Variants in NOA1 observed in about 807,000 individuals in gnomAD.
NOA1 encodes nitric oxide associated 1.
In NOA1, 35 loss-of-function variants were observed where a neutral mutation model predicts 58.4. The observed-to-expected ratio is 0.60, with a 90% CI of 0.46 to 0.79. NOA1 has a LOEUF of 0.79. NOA1 is among the 30% of genes least tolerant of loss of function. NOA1 has a pLI of 0.00. For missense variants in NOA1, 895 were observed against 894.6 expected (o/e 1.00, Z -0.01); for synonymous variants, 397 against 373.4 (o/e 1.06, Z -0.73).
intron 2 of NOA1, 23 bp downstream of exon 2, chr4:56,973,835 G>T (rs756038945): frequency 6.2e-7 from 1 of 1,611,116 alleles, no homozygotes; most frequent in African/African-American, 1.3e-5. Flanking sequence ...ACCAACGAGG[G>T]TTTTCCCATA....
intron 3 of NOA1, among the ~76,000 whole-genome samples, chr4:56,971,254 A>T (rs1296634): frequency 2.1e-5 from 3 of 145,000 alleles, no homozygotes; most frequent in Admixed American, 1.4e-4. Context: ...CAGAGGTTGC[A>T]GTGAGCCAAG....
At position 56,964,509 on chromosome 4, in the gene NOA1, T is replaced by C. The variant is rs1323940044; in HGVS notation, c.1782A>G (p.Lys594=). The C allele has an allele frequency of 2.5e-6, 4 of 1,613,738 alleles. No homozygotes were observed. The highest frequency in any genetic ancestry group is 3.4e-6 in the Non-Finnish European group (4 of 1,179,850). ...HTLLQIPMGG[K]ERMAGFPPLV... ...GAGGAGGAAATCCTGCCATTCGTTC[T>C]TTTCCACCCATTGGAATCTTCCAAT... Residue 594 remains lysine (K), a synonymous_variant, in exon 6 of 7, where the codon AAA becomes AAG. Transcript: ENST00000264230.
chr4:56,970,392 G>A (rs1315738463), intron 3 of NOA1, among the ~76,000 whole-genome samples: 4 of 151,584 alleles, frequency 2.6e-5, no homozygotes, highest in African/African-American at 9.7e-5. Context: ...AATTGGTTGA[G>A]CCCAGGACTT....
intron 6 of NOA1, among the ~76,000 whole-genome samples, chr4:56,963,890 GGTGGACACAC>G (rs1315912264): frequency 1.3e-5 from 2 of 151,962 alleles, no homozygotes; most frequent in African/African-American, 4.8e-5. Flanking sequence ...TGGGGGCACA[GGTGGACACAC>G]CTTAGTTTTA....
chr4:56,968,440 G>C lies in NOA1; in HGVS notation c.1591C>G (p.Leu531Val). Residue 531 changes from leucine (L) to valine (V), a missense_variant, in exon 4 of 7, where the codon CTT (leucine) becomes GTT (valine). By Grantham distance (32) the Leu-to-Val change is conservative (BLOSUM62 1). Coordinates refer to ENST00000264230, the MANE Select transcript of NOA1 (RefSeq NM_032313.4). Reference sequence around the variant, plus strand: ...AAAAACAGAACCATTCCTGGTTTAAGCACAAAAGTTCTTGGAACAATGGAC... The same window carrying C: ...AAAAACAGAACCATTCCTGGTTTAACCACAAAAGTTCTTGGAACAATGGAC... ...TQSIVPRTFV[L>V]KPGMVLFLGA... 1.2e-6 allele frequency: 2 copies of C among 1,613,078 alleles called. No homozygotes were observed. The highest frequency in any genetic ancestry group is 1.1e-5 in the South Asian group (1 of 90,650).
rs773599616 is a variant in NOA1 at position 56,973,143 on chromosome 4, C to A, written c.1515+5G>T. On this transcript the variant is annotated splice_donor_5th_base_variant and intron_variant, in intron 3 of 6. Coordinates refer to ENST00000264230, the MANE Select transcript of NOA1 (RefSeq NM_032313.4). ...AAATGTTTCTAAAAGAAACCAAATA[C>A]ATACACAATTTTCTTTTGTAATTCC... 3.1e-6 allele frequency: 5 copies of A among 1,612,316 alleles called. No individual in the cohort carries two copies. The highest frequency in any genetic ancestry group is 4.2e-6 in the Non-Finnish European group (5 of 1,178,392).
At chr4:56,968,020 T>A (rs2109615288) in intron 4 of NOA1, among the ~76,000 whole-genome samples, 1 of 151,672 alleles carries the variant, frequency 6.6e-6, no homozygotes, top group Admixed American at 6.6e-5. Flanking sequence ...CAGGTTTAAG[T>A]GATCTTCCTG....
At chr4:56,964,573 G>T in intron 5 of NOA1, 47 bp from the exon 6 acceptor site, 1 of 1,587,978 alleles carries the variant, frequency 6.3e-7, no homozygotes, top group East Asian at 2.2e-5. Flanking sequence ...AAATTTCTTG[G>T]AACTCTAACA....
intron 3 of NOA1, among the ~76,000 whole-genome samples, chr4:56,970,275 C>T (rs1382695018): frequency 1.3e-5 from 2 of 151,864 alleles, no homozygotes; most frequent in Non-Finnish European, 2.9e-5. Flanking sequence ...CAGCCTAGAC[C>T]AGACTGGGCA....
chr4:56,964,660 G>T (rs1437325785), intron 5 of NOA1, 134 bp from the exon 6 acceptor site: 2 of 1,015,442 alleles, frequency 2.0e-6, no homozygotes, highest in Admixed American at 2.7e-5. Flanking sequence ...CTGTTGAAAA[G>T]AACTTGCAAT....
At position 56,976,614 on chromosome 4, in the gene NOA1, C is replaced by G; in HGVS notation, c.972G>C (p.Val324=). The stretch of plus-strand genomic sequence containing the variant: ...GCTGAAGGGCAGAGATCAACTCTTC[C>G]ACTCCATAGCCGGTCTTGGCGCTGA... ...RLISAKTGYG[V]EELISALQRS... is the part of the protein sequence containing the mutation. Residue 324 remains valine (V), a synonymous_variant, in exon 1 of 7, where the codon GTG becomes GTC. Transcript: ENST00000264230. 1 of 1,614,254 alleles carries G rather than the reference C, an allele frequency of 6.2e-7. No homozygotes were observed. The highest frequency in any genetic ancestry group is 8.5e-7 in the Non-Finnish European group (1 of 1,180,044).
chr4:56,967,855 G>C (rs1012735763), intron 4 of NOA1, among the ~76,000 whole-genome samples: 1 of 151,636 alleles, frequency 6.6e-6, no homozygotes, highest in African/African-American at 2.4e-5. Flanking sequence ...AATTGAAAAC[G>C]TAAGTTTTCA....
At chr4:56,963,706 C>T (rs759321862) in intron 6 of NOA1, 45 bp from the exon 7 acceptor site, 3 of 1,484,516 alleles carry the variant, frequency 2.0e-6, no homozygotes, top group Non-Finnish European at 2.8e-6. Context: ...TAGCAATCAT[C>T]TTATTAAAAA....
intron 3 of NOA1, 152 bp downstream of exon 3, chr4:56,972,996 T>C: frequency 1.5e-6 from 1 of 661,358 alleles, no homozygotes; most frequent in Non-Finnish European, 2.6e-6. Context: ...AAAACTCCAG[T>C]TTCCCATTTA....
chr4:56,967,200 CA>C (rs1721727835), intron 4 of NOA1, among the ~76,000 whole-genome samples: 1 of 151,626 alleles, frequency 6.6e-6, no homozygotes, highest in Non-Finnish European at 1.5e-5. Flanking sequence ...GGAAACATGG[CA>C]AAACCCTGTC....
chr4:56,964,445 C>T lies in NOA1; in HGVS notation c.1846G>A (p.Ala616Thr), dbSNP rs1452757228. 2.5e-6 allele frequency: 4 copies of T among 1,613,948 alleles called. No individual in the cohort carries two copies. Among genetic ancestry groups the T allele is most frequent in the East Asian group, 2.2e-5 (1 of 44,894 alleles). The change falls in exon 6 of 7, where the codon GCA becomes ACA. Residue 616 changes from alanine (A) to threonine (T), a missense_variant. Transcript: ENST00000264230. ...EDIMLKEGLG[A>T]SEAVADIKFS... ...TTGATGTCGGCCACTGCTTCAGATG[C>T]CCCCAGTCCTTCTTTTAACATAATG...
intron 3 of NOA1, among the ~76,000 whole-genome samples, chr4:56,972,844 T>C (rs993363699): frequency 6.6e-6 from 1 of 152,214 alleles, no homozygotes; most frequent in African/African-American, 2.4e-5. Context: ...GGCATACAGA[T>C]TCACCCCTAA....
chr4:56,966,677 G>C lies in NOA1; in HGVS notation c.1707C>G (p.Thr569=), dbSNP rs369847942. 82 of 1,613,864 alleles carry C rather than the reference G, an allele frequency of 5.1e-5. 1 individual carries two copies. Among genetic ancestry groups the C allele is most frequent in the Non-Finnish European group, 6.7e-5 (79 of 1,179,868 alleles). The change falls in exon 5 of 7, where the codon ACC becomes ACG. Residue 569 remains threonine, a synonymous_variant. Transcript: ENST00000264230. ...VASNILPVHI[T]SLDRADALYQ... ...ACAGAGCGTCTGCCCTGTCCAAGGA[G>C]GTGATATGCACAGGGAGGATGTTGG... is the stretch of plus-strand genomic sequence containing the variant.
In NOA1 at chr4:56,963,512, T is replaced by C; in HGVS notation, c.2035A>G (p.Thr679Ala). ...TACATAAGGGAAGGAGGCTTCTTGG[T>C]TTTATAGGCCACACTTTTCTTGATG... is the stretch of plus-strand genomic sequence containing the variant. The part of the protein sequence containing the change: ...QRIKKSVAYK[T>A]KKPPSLMYNV... Residue 679 changes from threonine to alanine, a missense_variant, in exon 7 of 7, where the codon ACC becomes GCC. Thr to Ala is a moderately conservative substitution (Grantham distance 58). Around this residue, in one of 3 missense-constraint regions of NOA1, gnomAD observed 212 missense variants for 221.3 expected, o/e 0.96. Coordinates refer to ENST00000264230, the MANE Select transcript of NOA1 (RefSeq NM_032313.4). 6.2e-7 allele frequency: 1 copy of C among 1,614,092 alleles called. No homozygotes were observed. The highest frequency in any genetic ancestry group is 8.5e-7 in the Non-Finnish European group (1 of 1,180,024).
Sources: allele counts gnomAD v4.1 joint callset (sites outside exome capture counted in the v4.1 genomes callset), GRCh38; gene constraint gnomAD v4.1.1; regional missense constraint gnomAD v4.1.1; transcripts MANE v1.5; gene names NCBI Gene and HGNC (gene_info 2026-07-23, HGNC 2026-07-21).